KIRREL3: variants seen among roughly 807,000 people sequenced by gnomAD.
KIRREL3 encodes kin of IRRE-like protein 3.
A neutral mutation model predicts 89.7 loss-of-function variants in KIRREL3; 36 were observed. The ratio of observed to expected loss-of-function variants is 0.40; its 90% CI spans 0.31 to 0.53. KIRREL3 has a LOEUF of 0.53. Among genes scored for constraint, KIRREL3 ranks in the 20% least tolerant of loss-of-function variants. The pLI is 0.49. For synonymous variants in KIRREL3, 445 were observed against 441.4 expected, an observed-to-expected ratio of 1.01 and a Z score of -0.10; for missense variants, 864 against 1,056.6, an observed-to-expected ratio of 0.82 and a Z score of 2.53.
chr11:126,731,353 C>T (rs1428563724), intron 1 of KIRREL3, among the ~76,000 whole-genome samples: 1 of 152,204 alleles, frequency 6.6e-6, no homozygotes, highest in African/African-American at 2.4e-5. Context: ...CAGGGTCCAT[C>T]CCGCTGTGTC....
At chr11:126,457,530 G>C (rs1263476888) in intron 6 of KIRREL3, among the ~76,000 whole-genome samples, 1 of 151,770 alleles carries the variant, frequency 6.6e-6, no homozygotes, top group Non-Finnish European at 1.5e-5. Flanking sequence ...TGTGTGTGTA[G>C]AGCGAGAGAG....
At chr11:126,874,994 T>A (rs1014710602) in intron 1 of KIRREL3, among the ~76,000 whole-genome samples, 4 of 152,110 alleles carry the variant, frequency 2.6e-5, no homozygotes, top group Admixed American at 2.6e-4. Flanking sequence ...GTCTGCCCCT[T>A]CCTTTTCCTC....
rs1413036555 is a variant in KIRREL3, at chr11:126,579,118, G to A, written c.56-16206C>T. Among the ~76,000 whole-genome samples, 3 of 152,006 alleles carry A rather than the reference G, an allele frequency of 2.0e-5. No homozygotes were observed. The highest frequency in any genetic ancestry group is 2.9e-5 in the Non-Finnish European group (2 of 68,004). The stretch of plus-strand genomic sequence containing the variant: ...GGTCTTTGCACCAGAGCTCACCAAT[G>A]TCTCGGAGAGGTCCTCCCTTCCTGC... On this transcript the variant is annotated intron_variant, in intron 1 of 16. Transcript: ENST00000525144. The surrounding 1 kb of genome is among the most constrained non-coding windows in gnomAD (Gnocchi z 5.3).
At chr11:126,581,361 C>G (rs1294323756) in intron 1 of KIRREL3, among the ~76,000 whole-genome samples, 1 of 152,068 alleles carries the variant, frequency 6.6e-6, no homozygotes, top group African/African-American at 2.4e-5. Context: ...CGCCATCATG[C>G]CTGGCTAATT....
rs556074306 is a variant in KIRREL3, at chr11:126,706,121, G to A, written c.56-143209C>T. Reference sequence around the variant, plus strand: ...ACTGCAGCCCCCGATGTCACTATACGGAGCAGGTGAACCACTCAACTGAAC... The same window carrying A: ...ACTGCAGCCCCCGATGTCACTATACAGAGCAGGTGAACCACTCAACTGAAC... On this transcript the variant is annotated intron_variant, in intron 1 of 16. Transcript: ENST00000525144. 6.1e-4 allele frequency among the ~76,000 whole-genome samples: 93 copies of A among 152,296 alleles called. 1 individual carries two copies. Among genetic ancestry groups the A allele is most frequent in the African/African-American group, 2.0e-3 (84 of 41,564 alleles).
rs964409879 is a variant in KIRREL3, at chr11:126,694,143, G to A, written c.56-131231C>T. ...CTCCATCCCTAAGGGAGCCACATTC[G>A]TTTTTTTTCCTTTCAAAGTCGTCAG... On this transcript the variant is annotated intron_variant, in intron 1 of 16. Transcript: ENST00000525144. This position sits in a 1 kb window ranked among gnomAD's most constrained non-coding sequence, Gnocchi z 4.4. Among the ~76,000 whole-genome samples the A allele has an allele frequency of 1.3e-5, 2 of 152,072 alleles. No homozygotes were observed. Among genetic ancestry groups the A allele is most frequent in the East Asian group, 1.9e-4 (1 of 5,190 alleles).
At chr11:126,585,021 C>A (rs1941754492) in intron 1 of KIRREL3, among the ~76,000 whole-genome samples, 1 of 151,636 alleles carries the variant, frequency 6.6e-6, no homozygotes, top group South Asian at 2.1e-4. Flanking sequence ...CGGGTTTACG[C>A]CATTCTCCTG....
chr11:126,451,190 CGTGT>C (rs1176219360), intron 7 of KIRREL3, among the ~76,000 whole-genome samples: 1 of 121,232 alleles, frequency 8.2e-6, no homozygotes, highest in Non-Finnish European at 1.7e-5. Context: ...TGAATGTGGC[CGTGT>C]GTGTGCATGT....
Position 126,446,347 on chromosome 11 carries a change from CT to C in KIRREL3, c.1125+411del, listed in dbSNP as rs144983341. ...TCCTTTCTTTCTTTCCTTTCTTCTT[CT>C]TTTTTTTCCCCAAGGTCTTGCTACG... On this transcript the variant is annotated intron_variant, in intron 9 of 16. Transcript: ENST00000525144. Among the ~76,000 whole-genome samples, 504 of 114,892 alleles carry C rather than the reference CT, an allele frequency of 4.4e-3. 1 individual carries two copies. The highest frequency in any genetic ancestry group is 8.7e-3 in the African/African-American group (307 of 35,126). 75.4% of individuals were successfully genotyped at this position (114,892 alleles called of 152,430 possible). A position where few individuals can be genotyped will look rare whatever the true frequency, so the allele number is the denominator to read the frequency against.
At position 126,440,349 on chromosome 11, in the gene KIRREL3, C is replaced by A. The variant is rs1255361008; in HGVS notation, c.1353+100G>T. 4.9e-6 allele frequency: 5 copies of A among 1,011,924 alleles called. No homozygotes were observed. The Admixed American group carries it at 9.9e-5, about 20-fold the overall frequency. 62.7% of individuals were successfully genotyped at this position (1,011,924 alleles called of 1,614,324 possible). The stretch of plus-strand genomic sequence containing the variant: ...AATTTTCCTCAGCAAGAAAGAGGAA[C>A]CTCGGAGGTGTGCACCGCCTGGCTG... On this transcript the variant is annotated intron_variant, in intron 11 of 16. Transcript: ENST00000525144.
rs958208117 is a variant in KIRREL3 at position 126,830,210 on chromosome 11, G to A, written c.55+170245C>T. On this transcript the variant is annotated intron_variant, in intron 1 of 16. Coordinates refer to ENST00000525144, the MANE Select transcript of KIRREL3 (RefSeq NM_032531.4). The surrounding 1 kb of genome is among the most constrained non-coding windows in gnomAD (Gnocchi z 4.9). ...TCACTCTGGTCAATATTTATCATAG[G>A]TACATTTTACAAGATGAATTCTGTC... is the stretch of plus-strand genomic sequence containing the variant. 2.6e-5 allele frequency among the ~76,000 whole-genome samples: 4 copies of A among 152,120 alleles called. No individual in the cohort carries two copies. Among genetic ancestry groups the A allele is most frequent in the African/African-American group, 9.7e-5 (4 of 41,422 alleles).
chr11:126,590,083 A>G (rs966572124), intron 1 of KIRREL3, among the ~76,000 whole-genome samples: 1 of 152,238 alleles, frequency 6.6e-6, no homozygotes, highest in African/African-American at 2.4e-5. Context: ...GTTGAGCTCA[A>G]ATGTAAACCC....
At position 126,764,447 on chromosome 11, in the gene KIRREL3, A is replaced by G. The variant is rs901566685; in HGVS notation, c.56-201535T>C. 9.2e-5 allele frequency among the ~76,000 whole-genome samples: 14 copies of G among 152,268 alleles called. No homozygotes were observed. The highest frequency in any genetic ancestry group is 3.1e-4 in the African/African-American group (13 of 41,548). ...TTCAGGGCTGTGTGGTTCAAGATCA[A>G]CTTCGCAGAGAAACACCGTTTCCAG... On this transcript the variant is annotated intron_variant, in intron 1 of 16. Coordinates refer to ENST00000525144, the MANE Select transcript of KIRREL3 (RefSeq NM_032531.4). The surrounding 1 kb of genome is among the most constrained non-coding windows in gnomAD (Gnocchi z 4.2).
At chr11:127,001,951 A>G (rs1390549721), upstream of KIRREL3, among the ~76,000 whole-genome samples, 2 of 152,190 alleles carry the variant, frequency 1.3e-5, no homozygotes, top group African/African-American at 4.8e-5. Context: ...GACATGTGCC[A>G]TTTAGCATTC....
At chr11:126,922,134 TC>T (rs1432547738) in intron 1 of KIRREL3, among the ~76,000 whole-genome samples, 7 of 140,146 alleles carry the variant, frequency 5.0e-5, no homozygotes, top group African/African-American at 7.6e-5. Context: ...TATCTATCTA[TC>T]TATCTATCTA....
chr11:126,765,223 A>G (rs920984555), intron 1 of KIRREL3, among the ~76,000 whole-genome samples: 2 of 152,212 alleles, frequency 1.3e-5, no homozygotes, highest in Non-Finnish European at 2.9e-5. Context: ...TTGACTAAAT[A>G]TCAGTTTCCT....
rs189896030 is a variant in KIRREL3, at chr11:126,560,292, C to G, written c.133+2543G>C. ...TAGAGGACACACACGCACACACACA[C>G]ATACACTCTCCATATATTACCAACC... On this transcript the variant is annotated intron_variant, in intron 2 of 16. Coordinates refer to ENST00000525144, the MANE Select transcript of KIRREL3 (RefSeq NM_032531.4). Among the ~76,000 whole-genome samples the G allele has an allele frequency of 1.4e-4, 21 of 152,274 alleles. No homozygotes were observed. In the East Asian group the frequency reaches 3.9e-3, roughly 28 times the overall value.
chr11:126,440,832 G>T, intron 10 of KIRREL3: 1 of 512,978 alleles, frequency 1.9e-6, no homozygotes, highest in Non-Finnish European at 3.5e-6. Flanking sequence ...CACAGGAGCG[G>T]TGCAGATAAA....
intron 1 of KIRREL3, among the ~76,000 whole-genome samples, chr11:126,617,156 C>T (rs895983472): frequency 5.9e-5 from 9 of 152,138 alleles, no homozygotes; most frequent in South Asian, 2.1e-4. Flanking sequence ...GTTAGCCTGA[C>T]GAGGCTGAGG....
Sources: allele counts gnomAD v4.1 joint callset (sites outside exome capture counted in the v4.1 genomes callset), GRCh38; gene constraint gnomAD v4.1.1; non-coding constraint Gnocchi (gnomAD v3.1); transcripts MANE v1.5; gene names NCBI Gene and HGNC (gene_info 2026-07-23, HGNC 2026-07-21).